Variants in CBL observed in about 807,000 individuals in gnomAD.
The protein encoded by CBL is Cbl proto-oncogene.
Under a neutral mutation model 96.9 loss-of-function variants are expected in CBL, and 45 were observed. That is an observed-to-expected ratio of 0.46 (90% CI 0.37 to 0.60). The LOEUF is 0.60. Ranked by LOEUF, CBL falls within the 20% of genes least tolerant of loss-of-function variation. CBL has a pLI of 0.00. For missense variants in CBL, 1,024 were observed against 1,143.5 expected (o/e 0.90, Z 1.51); for synonymous variants, 420 against 426.8 (o/e 0.98, Z 0.20).
rs1229811353 is a variant in CBL, at chr11:119,306,253, A to G, written c.*6472A>G. On this transcript the variant is annotated 3_prime_UTR_variant, in exon 16 of 16. Transcript: ENST00000264033. ...CCCCTTCCTGGGTACAGAGCTTGAG[A>G]AAAATGCAGCCGACCACTCCCTGTG... 2 of 398,472 alleles carry G rather than the reference A, an allele frequency of 5.0e-6. No individual in the cohort carries two copies. Among genetic ancestry groups the G allele is most frequent in the African/African-American group, 2.1e-5 (1 of 48,598 alleles). The allele number at this position is 398,472 out of a possible 1,614,324, so 24.7% of individuals were successfully genotyped here. A position where few individuals can be genotyped will look rare whatever the true frequency, so the allele number is the denominator to read the frequency against.
At chr11:119,272,443 T>C (rs1358592581) in intron 3 of CBL, among the ~76,000 whole-genome samples, 1 of 152,246 alleles carries the variant, frequency 6.6e-6, no homozygotes, top group African/African-American at 2.4e-5. Context: ...AATGGACATG[T>C]ACATTTCACA....
At chr11:119,274,143 AT>A in intron 4 of CBL, 119 bp downstream of exon 4, 1 of 799,202 alleles carries the variant, frequency 1.3e-6, no homozygotes, top group Non-Finnish European at 2.0e-6. Context: ...ATTTTAATTC[AT>A]TTTAGGAACT....
chr11:119,274,716 A>C (rs1280788405), intron 4 of CBL, 116 bp from the exon 5 acceptor site: 13 of 950,998 alleles, frequency 1.4e-5, no homozygotes, highest in Non-Finnish European at 2.2e-5. Flanking sequence ...TGATGGTATA[A>C]TTAAAAATTT....
intron 1 of CBL, among the ~76,000 whole-genome samples, chr11:119,222,020 A>T (rs946339186): frequency 6.6e-6 from 1 of 152,192 alleles, no homozygotes; most frequent in African/African-American, 2.4e-5. Context: ...CAGGAGGTTA[A>T]TATTCATCCT....
intron 2 of CBL, among the ~76,000 whole-genome samples, chr11:119,246,215 C>T (rs958374837): frequency 4.6e-5 from 7 of 151,764 alleles, no homozygotes; most frequent in African/African-American, 9.7e-5. Flanking sequence ...CCTCGTGATC[C>T]GCCTGCCTCG....
At chr11:119,297,250 A>C in intron 13 of CBL, 134 bp from the exon 14 acceptor site, 5 of 794,120 alleles carry the variant, frequency 6.3e-6, no homozygotes, top group Non-Finnish European at 1.1e-5. Flanking sequence ...AAACACATAC[A>C]CCTATAACTT....
At chr11:119,262,164 A>C in intron 2 of CBL, among the ~76,000 whole-genome samples, 1 of 152,242 alleles carries the variant, frequency 6.6e-6, no homozygotes, top group Non-Finnish European at 1.5e-5. Context: ...TCGTAACTCC[A>C]GTCAAAATAT....
rs1229733932 is a variant in CBL, at chr11:119,296,988, C to T, written c.2107C>T (p.Pro703Ser). Residue 703 changes from proline to serine, a missense_variant, in exon 13 of 16, where the codon CCC (proline) becomes TCC (serine). Around this residue, in one of 4 missense-constraint regions of CBL, gnomAD observed 695 missense variants for 661.6 expected, o/e 1.05. Coordinates refer to ENST00000264033, the MANE Select transcript of CBL (RefSeq NM_005188.4). The part of the protein sequence containing the change: ...EGEEDTEYMT[P>S]SSRPLRPLDT... Reference sequence around the variant, plus strand: ...TGAAGAGGACACAGAGTACATGACTCCCTCTTCCAGGCCTCTACGGCCTTT... The same window carrying T: ...TGAAGAGGACACAGAGTACATGACTTCCTCTTCCAGGCCTCTACGGCCTTT... 1.9e-6 allele frequency: 3 copies of T among 1,611,922 alleles called. No individual in the cohort carries two copies. Among genetic ancestry groups the T allele is most frequent in the East Asian group, 2.2e-5 (1 of 44,866 alleles).
intron 1 of CBL, among the ~76,000 whole-genome samples, chr11:119,222,924 C>A (rs541571795): frequency 6.6e-6 from 1 of 152,048 alleles, no homozygotes; most frequent in South Asian, 2.1e-4. Flanking sequence ...TGTATATAAT[C>A]CCAGCATTTT....
chr11:119,223,184 C>CTTT (rs1167302746), intron 1 of CBL, among the ~76,000 whole-genome samples: 4 of 67,154 alleles, frequency 6.0e-5, no homozygotes, highest in African/African-American at 7.6e-5. Flanking sequence ...CACACCCTTC[C>CTTT]TTTTTTTTTT....
chr11:119,294,226 C>T lies in CBL; in HGVS notation c.2037-2692C>T, dbSNP rs535534727. On this transcript the variant is annotated intron_variant, in intron 12 of 15. Transcript: ENST00000264033. ...GGTGGACCACTTGAGGTCCGGATATCGAGACCAGCCTGGGCAACATGGTGA... is the reference window on the plus strand; with the variant it reads ...GGTGGACCACTTGAGGTCCGGATATTGAGACCAGCCTGGGCAACATGGTGA... Among the ~76,000 whole-genome samples, 403 of 149,044 alleles carry T rather than the reference C, an allele frequency of 2.7e-3. 3 individuals carry two copies. Among genetic ancestry groups the T allele is most frequent in the African/African-American group, 8.2e-3 (332 of 40,474 alleles).
intron 1 of CBL, among the ~76,000 whole-genome samples, chr11:119,225,731 T>TTTC (rs1002482635): frequency 4.1e-5 from 6 of 145,090 alleles, no homozygotes; most frequent in African/African-American, 1.5e-4. Context: ...TTTCTTTTTT[T>TTTC]TTTTTTTTTT....
rs11601821 is a variant in CBL, at chr11:119,245,181, T to G, written c.443+12486T>G. ...GCCACCTTGCCCGACCAGTTTTTTT[T>G]TTTTTTTTAAACCAGATATCTACCT... On this transcript the variant is annotated intron_variant, in intron 2 of 15. Coordinates refer to ENST00000264033, the MANE Select transcript of CBL (RefSeq NM_005188.4). Among the ~76,000 whole-genome samples, 951 of 151,608 alleles carry G rather than the reference T, an allele frequency of 6.3e-3. 13 individuals carry two copies. The highest frequency in any genetic ancestry group is 0.022 in the African/African-American group (905 of 41,364).
chr11:119,270,737 C>T (rs796315415), intron 2 of CBL, among the ~76,000 whole-genome samples: 34 of 152,092 alleles, frequency 2.2e-4, no homozygotes, highest in African/African-American at 4.1e-4. Context: ...TGAGCCACCG[C>T]GCCCGGCCAT....
chr11:119,294,142 T>G (rs1475507664), intron 12 of CBL, among the ~76,000 whole-genome samples: 1 of 152,078 alleles, frequency 6.6e-6, no homozygotes, highest in African/African-American at 2.4e-5. Context: ...ATTAAAATTT[T>G]TAAAAGTTAG....
rs918766764 is a variant in CBL at position 119,285,499 on chromosome 11, C to T, written c.1874C>T (p.Pro625Leu). 2 of 1,614,028 alleles carry T rather than the reference C, an allele frequency of 1.2e-6. No individual in the cohort carries two copies. Among genetic ancestry groups the T allele is most frequent in the African/African-American group, 2.7e-5 (2 of 74,932 alleles). The change falls in exon 11 of 16, where the codon CCC (proline) becomes CTC (leucine). Residue 625 changes from proline (P) to leucine (L), a missense_variant. Pro to Leu is a moderately conservative substitution (Grantham distance 98). Around this residue, in one of 4 missense-constraint regions of CBL, gnomAD observed 695 missense variants for 661.6 expected, o/e 1.05. Transcript: ENST00000264033. ...CGGCACTCACTTCCATTTTCATTGC[C>T]CTCACAAATGGAGCCCAGACCAGAT... ...TNRHSLPFSL[P>L]SQMEPRPDVP...
chr11:119,214,725 T>C (rs1949344474), intron 1 of CBL, among the ~76,000 whole-genome samples: 1 of 152,152 alleles, frequency 6.6e-6, no homozygotes, highest in Non-Finnish European at 1.5e-5. Context: ...TGTTGTCCAC[T>C]TCATTTTTTA....
Position 119,304,387 on chromosome 11 carries a change from C to T in CBL, c.*4606C>T, listed in dbSNP as rs1207665083. On this transcript the variant is annotated 3_prime_UTR_variant, in exon 16 of 16. Coordinates refer to ENST00000264033, the MANE Select transcript of CBL (RefSeq NM_005188.4). ...GATCCAAGAAACAGAAATGTTCAAG[C>T]GGAATAAAGGAGGGAGTGGAGTTGT... The T allele has an allele frequency of 1.3e-5, 3 of 232,872 alleles. No homozygotes were observed. The highest frequency in any genetic ancestry group is 4.4e-5 in the African/African-American group (2 of 45,268). 14.4% of individuals were successfully genotyped at this position (232,872 alleles called of 1,614,324 possible).
intron 2 of CBL, among the ~76,000 whole-genome samples, chr11:119,248,418 A>T (rs1358823482): frequency 6.6e-6 from 1 of 152,238 alleles, no homozygotes; most frequent in Non-Finnish European, 1.5e-5. Context: ...TATCACATTC[A>T]AAAGAATGAA....
Sources: gnomAD v4.1 joint callset for allele counts (sites outside exome capture counted in the v4.1 genomes callset) on GRCh38, gnomAD v4.1.1 for gene constraint, gnomAD v4.1.1 regional missense constraint, MANE v1.5 for transcripts, NCBI Gene and HGNC (gene_info 2026-07-23, HGNC 2026-07-21) for gene names.